Variants in RYR3 observed in about 807,000 individuals in gnomAD.
RYR3 encodes the protein brain ryanodine receptor-calcium release channel.
Under a neutral mutation model 584.3 loss-of-function variants are expected in RYR3, and 207 were observed. The ratio of observed to expected loss-of-function variants is 0.35; its 90% CI spans 0.32 to 0.40. The LOEUF is 0.40. Among genes scored for constraint, RYR3 ranks in the 10% least tolerant of loss-of-function variants. The probability of loss-of-function intolerance (pLI) is 1.00; values close to 1 mark genes in which losing one functional copy is unlikely to be tolerated. For missense variants in RYR3, 5,616 were observed against 6,089.2 expected (o/e 0.92, Z 2.59); for synonymous variants, 2,416 against 2,248.5 (o/e 1.07, Z -2.11).
At position 33,751,867 on chromosome 15, in the gene RYR3, T is replaced by A. The variant is rs143807986; in HGVS notation, c.8399+1581T>A. ...TCTAGGGCTTTTATGGTTTTGGTCTTATGTTTAAGTCTTTAATCCATCTTG... is the reference window on the plus strand; with the variant it reads ...TCTAGGGCTTTTATGGTTTTGGTCTAATGTTTAAGTCTTTAATCCATCTTG... On this transcript the variant is annotated intron_variant, in intron 57 of 103. Transcript: ENST00000634891. Among the ~76,000 whole-genome samples the A allele has an allele frequency of 2.8e-3, 421 of 152,318 alleles. 7 individuals carry two copies. In the East Asian group the frequency reaches 0.07, roughly 25 times the overall value.
Position 33,652,802 on chromosome 15 carries a change from G to A in RYR3, c.4227G>A (p.Leu1409=). The A allele has an allele frequency of 6.2e-7, 1 of 1,613,910 alleles. No homozygotes were observed. Residue 1409 remains leucine, a synonymous_variant, in exon 32 of 104, where the codon CTG becomes CTA. Coordinates refer to ENST00000634891, the MANE Select transcript of RYR3 (RefSeq NM_001036.6). The part of the protein sequence containing the change: ...SQRSNRSNVD[L]EIGCLVDLAM... The stretch of plus-strand genomic sequence containing the variant: ...GATCAAATCGGAGCAACGTGGACCT[G>A]GAGATCGGCTGTCTCGTGGATCTGG...
chr15:33,338,283 AG>A (rs56031292), intron 1 of RYR3, among the ~76,000 whole-genome samples: 3,700 of 152,254 alleles, frequency 0.024, 65 homozygotes, highest in Non-Finnish European at 0.037. Context: ...CCTGGGAGAC[AG>A]GTCTATGGCT....
At chr15:33,656,459 C>G (rs940613542) in intron 32 of RYR3, among the ~76,000 whole-genome samples, 5 of 151,412 alleles carry the variant, frequency 3.3e-5, no homozygotes, top group Admixed American at 2.6e-4. Context: ...CAGACTGACC[C>G]ACGGCTGGGA....
At chr15:33,610,792 G>A (rs2152565170) in intron 18 of RYR3, among the ~76,000 whole-genome samples, 1 of 152,144 alleles carries the variant, frequency 6.6e-6, no homozygotes, top group Admixed American at 6.5e-5. Context: ...ATTCCTTTAT[G>A]TTTCATAAAT....
chr15:33,754,366 T>A (rs1170127813), intron 57 of RYR3, among the ~76,000 whole-genome samples: 7 of 152,230 alleles, frequency 4.6e-5, no homozygotes, highest in Non-Finnish European at 8.8e-5. Flanking sequence ...ATCCTAAGGA[T>A]GGCCTGTAGG....
intron 1 of RYR3, among the ~76,000 whole-genome samples, chr15:33,380,872 C>G (rs1378378086): frequency 1.3e-5 from 2 of 152,178 alleles, no homozygotes; most frequent in Non-Finnish European, 2.9e-5. Flanking sequence ...GGCAATCAAG[C>G]CTTTATAGCC....
chr15:33,348,767 C>T (rs902875204), intron 1 of RYR3, among the ~76,000 whole-genome samples: 4 of 151,480 alleles, frequency 2.6e-5, no homozygotes, highest in South Asian at 2.1e-4. Context: ...TGAGCCACTG[C>T]GCCTGGCCTA....
intron 23 of RYR3, among the ~76,000 whole-genome samples, chr15:33,631,645 C>G (rs554334058): frequency 6.6e-6 from 1 of 152,290 alleles, no homozygotes; most frequent in Non-Finnish European, 1.5e-5. Context: ...TGGCATTGGA[C>G]CAGCCTTGTA....
intron 16 of RYR3, among the ~76,000 whole-genome samples, chr15:33,590,113 G>T (rs973118622): frequency 6.6e-6 from 1 of 152,160 alleles, no homozygotes; most frequent in Non-Finnish European, 1.5e-5. Flanking sequence ...AAGGTGCTCC[G>T]TGGGGGAGCT....
chr15:33,491,797 A>G (rs2050986032), intron 2 of RYR3, among the ~76,000 whole-genome samples: 1 of 152,126 alleles, frequency 6.6e-6, no homozygotes, highest in African/African-American at 2.4e-5. Context: ...GTCCCCCCAG[A>G]TACTGAGTGA....
intron 16 of RYR3, among the ~76,000 whole-genome samples, chr15:33,601,174 G>T (rs2059642596): frequency 6.6e-6 from 1 of 152,172 alleles, no homozygotes; most frequent in South Asian, 2.1e-4. Context: ...TTGGAGGGAA[G>T]GGGCATAAGA....
chr15:33,740,820 C>A (rs996502334), intron 51 of RYR3, among the ~76,000 whole-genome samples: 4 of 152,236 alleles, frequency 2.6e-5, no homozygotes, highest in African/African-American at 9.6e-5. Context: ...GGGGGACTGT[C>A]TGCTTTGATC....
intron 24 of RYR3, among the ~76,000 whole-genome samples, chr15:33,634,303 G>A (rs1378823164): frequency 4.6e-5 from 7 of 151,910 alleles, no homozygotes; most frequent in East Asian, 1.9e-4. Flanking sequence ...CACCCACCTC[G>A]GCCTCCCAAA....
rs551210461 is a variant in RYR3 at position 33,595,359 on chromosome 15, G to A, written c.1789-6060G>A. On this transcript the variant is annotated intron_variant, in intron 16 of 103. Transcript: ENST00000634891. ...ATCTTGATTATAAAATATAACTTCCGTAAGCCTTTTGTAACCTTTATAATC... is the reference window on the plus strand; with the variant it reads ...ATCTTGATTATAAAATATAACTTCCATAAGCCTTTTGTAACCTTTATAATC... Among the ~76,000 whole-genome samples, 13 of 152,192 alleles carry A rather than the reference G, an allele frequency of 8.5e-5. 1 individual carries two copies. The highest frequency in any genetic ancestry group is 4.1e-4 in the South Asian group (2 of 4,820).
chr15:33,465,040 A>G (rs1015249314), intron 1 of RYR3, among the ~76,000 whole-genome samples: 9 of 152,178 alleles, frequency 5.9e-5, no homozygotes, highest in South Asian at 2.1e-4. Context: ...CCAGGATCCA[A>G]TAACATCTGT....
intron 80 of RYR3, 71 bp from the exon 81 acceptor site, chr15:33,822,925 C>A (rs2077185576): frequency 4.8e-6 from 6 of 1,251,338 alleles, no homozygotes; most frequent in South Asian, 1.4e-5. Context: ...ATTTCTCCAT[C>A]AGGATTAGGA....
intron 98 of RYR3, chr15:33,855,881 C>T (rs1597061160): frequency 6.6e-6 from 1 of 152,298 alleles, no homozygotes; most frequent in East Asian, 1.9e-4. Context: ...TCCTTGTATA[C>T]AGATTCAAAC....
chr15:33,659,252 C>A (rs2063003176), intron 32 of RYR3, among the ~76,000 whole-genome samples: 1 of 152,170 alleles, frequency 6.6e-6, no homozygotes, highest in Admixed American at 6.5e-5. Flanking sequence ...CATGGGCTTG[C>A]TTGACTAATG....
chr15:33,745,725 C>T (rs1225462750), intron 52 of RYR3, among the ~76,000 whole-genome samples: 1 of 152,232 alleles, frequency 6.6e-6, no homozygotes, highest in Non-Finnish European at 1.5e-5. Flanking sequence ...CCAGGCCTTC[C>T]AGTCCTAGCC....
Sources: allele counts gnomAD v4.1 joint callset (sites outside exome capture counted in the v4.1 genomes callset), GRCh38; gene constraint gnomAD v4.1.1; transcripts MANE v1.5; gene names NCBI Gene and HGNC (gene_info 2026-07-23, HGNC 2026-07-21).